PIEZO2: variants seen among roughly 807,000 people sequenced by gnomAD.
PIEZO2 encodes piezo-type mechanosensitive ion channel component 2.
Under a neutral mutation model 337.3 loss-of-function variants are expected in PIEZO2, and 172 were observed. The ratio of observed to expected loss-of-function variants is 0.51; its 90% CI spans 0.45 to 0.58. The LOEUF (loss-of-function observed/expected upper bound fraction) is 0.58. Among genes scored for constraint, PIEZO2 ranks in the 20% least tolerant of loss-of-function variants. PIEZO2 has a pLI of 0.00. For synonymous variants in PIEZO2, 1,251 were observed against 1,228.5 expected (o/e 1.02, Z -0.38); for missense variants, 3,028 against 3,391.3 (o/e 0.89, Z 2.66).
intron 2 of PIEZO2, among the ~76,000 whole-genome samples, chr18:11,049,606 T>G (rs1448607397): frequency 6.6e-6 from 1 of 152,174 alleles, no homozygotes; most frequent in African/African-American, 2.4e-5. Flanking sequence ...AATTCCCACA[T>G]GTTGTGGGAG....
In PIEZO2 at chr18:10,698,996, C is replaced by T. The variant is rs745694128; in HGVS notation, c.6623G>A (p.Arg2208Gln). Residue 2208 changes from arginine to glutamine, a missense_variant, in exon 44 of 56, where the codon CGG becomes CAG. Around this residue, in one of 5 missense-constraint regions of PIEZO2, gnomAD observed 1,925 missense variants for 2,051.9 expected, o/e 0.94. Transcript: ENST00000674853. ...VTFPEQQTAV[R>Q]RKRSGSSSEP... ...GGAGCTGCTGCCGGAGCGCTTCCTCCGGACAGCTGTCTGCTGCTCCGGGAA... is the reference window on the plus strand; with the variant it reads ...GGAGCTGCTGCCGGAGCGCTTCCTCTGGACAGCTGTCTGCTGCTCCGGGAA... 137 of 1,537,002 alleles carry T rather than the reference C, an allele frequency of 8.9e-5. No homozygotes were observed. Among genetic ancestry groups the T allele is most frequent in the Admixed American group, 7.8e-5 (4 of 51,002 alleles).
intron 2 of PIEZO2, among the ~76,000 whole-genome samples, chr18:10,981,613 T>C (rs1181532588): frequency 6.6e-6 from 1 of 152,166 alleles, no homozygotes; most frequent in Non-Finnish European, 1.5e-5. Flanking sequence ...GTCAACTTGA[T>C]TGGATTGAAG....
rs907346735 is a variant in PIEZO2, at chr18:11,102,340, G to A, written c.65-36118C>T. Among the ~76,000 whole-genome samples the A allele has an allele frequency of 2.0e-5, 3 of 152,226 alleles. No individual in the cohort carries two copies. The highest frequency in any genetic ancestry group is 7.2e-5 in the African/African-American group (3 of 41,454). On this transcript the variant is annotated intron_variant, in intron 1 of 55. Coordinates refer to ENST00000674853, the MANE Select transcript of PIEZO2 (RefSeq NM_001378183.1). The surrounding 1 kb of genome is among the most constrained non-coding windows in gnomAD (Gnocchi z 5.7). ...TCTGCTCTCTCTTAGATAACAGACA[G>A]TTTTTGGTAATAAGTTACCAGCATA...
intron 7 of PIEZO2, among the ~76,000 whole-genome samples, chr18:10,835,602 G>A (rs1340334401): frequency 6.6e-6 from 1 of 150,936 alleles, no homozygotes; most frequent in Non-Finnish European, 1.5e-5. Flanking sequence ...GGAGTGCAGT[G>A]GCGCGATCTC....
Position 10,962,521 on chromosome 18 carries a change from GTGA to G in PIEZO2, c.286+17011_286+17013del, listed in dbSNP as rs1489678552. Among the ~76,000 whole-genome samples the G allele has an allele frequency of 2.0e-5, 3 of 152,166 alleles. No individual in the cohort carries two copies. Among genetic ancestry groups the G allele is most frequent in the Non-Finnish European group, 4.4e-5 (3 of 68,026 alleles). ...CAAGCTTCCTCCAGTCTCTGTAGGT[GTGA>G]TGTTTCCCCATCAACAGTCCCATCA... On this transcript the variant is annotated intron_variant, in intron 3 of 55. Transcript: ENST00000674853. This position sits in a 1 kb window ranked among gnomAD's most constrained non-coding sequence, Gnocchi z 4.1.
intron 2 of PIEZO2, among the ~76,000 whole-genome samples, chr18:10,984,580 TC>T (rs1345588245): frequency 3.3e-5 from 5 of 152,016 alleles, no homozygotes; most frequent in Non-Finnish European, 7.4e-5. Flanking sequence ...GTTTTTAAAA[TC>T]CTATGGGACT....
intron 52 of PIEZO2, among the ~76,000 whole-genome samples, chr18:10,679,996 T>G (rs939263588): frequency 1.3e-5 from 2 of 152,218 alleles, no homozygotes; most frequent in African/African-American, 4.8e-5. Context: ...TTAGTCTGGT[T>G]AGTGATTCCT....
chr18:10,774,358 T>A (rs751766401), intron 18 of PIEZO2, among the ~76,000 whole-genome samples: 6 of 152,230 alleles, frequency 3.9e-5, no homozygotes, highest in Non-Finnish European at 8.8e-5. Flanking sequence ...AATCAAGTCA[T>A]TCACATTTTT....
chr18:11,044,059 TC>T (rs2145820059), intron 2 of PIEZO2, among the ~76,000 whole-genome samples: 1 of 152,014 alleles, frequency 6.6e-6, no homozygotes, highest in African/African-American at 2.4e-5. Context: ...ATGCTATTAT[TC>T]CTTTCATGCA....
At chr18:10,729,715 G>A (rs1249456534) in intron 36 of PIEZO2, among the ~76,000 whole-genome samples, 3 of 151,690 alleles carry the variant, frequency 2.0e-5, no homozygotes, top group East Asian at 1.9e-4. Flanking sequence ...AAGAAGTAAC[G>A]ACTGTTACTA....
intron 5 of PIEZO2, among the ~76,000 whole-genome samples, chr18:10,868,119 C>G (rs1598606198): frequency 6.6e-6 from 1 of 152,160 alleles, no homozygotes; most frequent in Non-Finnish European, 1.5e-5. Flanking sequence ...ACAGAAGACC[C>G]AAGAGTCTTC....
At position 10,945,734 on chromosome 18, in the gene PIEZO2, G is replaced by T. The variant is rs11661122; in HGVS notation, c.286+33801C>A. Among the ~76,000 whole-genome samples the T allele has an allele frequency of 0.16, 24,548 of 152,082 alleles. 2,032 individuals carry two copies. Among genetic ancestry groups the T allele is most frequent in the Middle Eastern group, 0.26 (76 of 294 alleles). Reference sequence around the variant, plus strand: ...CAAAATCTTCCCAGAACTGCCAAAGGTGTTCAAATTGGAAGGCAAGAAAAT... The same window carrying T: ...CAAAATCTTCCCAGAACTGCCAAAGTTGTTCAAATTGGAAGGCAAGAAAAT... On this transcript the variant is annotated intron_variant, in intron 3 of 55. Coordinates refer to ENST00000674853, the MANE Select transcript of PIEZO2 (RefSeq NM_001378183.1). This position sits in a 1 kb window ranked among gnomAD's most constrained non-coding sequence, Gnocchi z 4.0.
chr18:10,744,268 C>G (rs1480896758), intron 30 of PIEZO2, 37 bp from the exon 31 acceptor site: 2 of 1,304,410 alleles, frequency 1.5e-6, no homozygotes, highest in South Asian at 2.5e-5. Flanking sequence ...AGTCAATATT[C>G]TTGCCATTGT....
intron 2 of PIEZO2, among the ~76,000 whole-genome samples, chr18:11,065,211 G>A (rs1246839237): frequency 6.6e-6 from 1 of 152,184 alleles, no homozygotes; most frequent in Non-Finnish European, 1.5e-5. Context: ...GTACACCGTG[G>A]TCTTTACTTC....
intron 3 of PIEZO2, among the ~76,000 whole-genome samples, chr18:10,928,605 G>A (rs1466669171): frequency 1.3e-5 from 2 of 152,136 alleles, no homozygotes; most frequent in African/African-American, 2.4e-5. Context: ...TATAAATGTG[G>A]AACAAATGAT....
chr18:11,100,008 T>TA (rs1417577012), intron 1 of PIEZO2, among the ~76,000 whole-genome samples: 5 of 152,180 alleles, frequency 3.3e-5, no homozygotes, highest in African/African-American at 9.6e-5. Context: ...TCTTTTGTCA[T>TA]AAAAAACTTA....
At chr18:10,928,923 G>C (rs1003715070) in intron 3 of PIEZO2, among the ~76,000 whole-genome samples, 16 of 152,050 alleles carry the variant, frequency 1.1e-4, no homozygotes, top group African/African-American at 3.9e-4. Flanking sequence ...ACATTCCCCT[G>C]TCCTACTTGT....
At chr18:11,120,309 A>G (rs1175293144) in intron 1 of PIEZO2, among the ~76,000 whole-genome samples, 4 of 152,228 alleles carry the variant, frequency 2.6e-5, no homozygotes, top group Non-Finnish European at 5.9e-5. Flanking sequence ...TATTTACCAC[A>G]AAATATGTTT....
chr18:10,759,906 AG>A lies in PIEZO2; in HGVS notation c.3453del (p.Cys1152ValfsTer3). 6.5e-7 allele frequency: 1 copy of A among 1,537,032 alleles called. No homozygotes were observed. Among genetic ancestry groups the A allele is most frequent in the Non-Finnish European group, 8.7e-7 (1 of 1,146,540 alleles). ...NYFFYKFGLE[T>X]CFLMSVNVIG... Reference sequence around the variant, plus strand: ...ATGACGTTAACTGACATTAGGAAACAGGTCTGTGTAAAGATGAAAAGAGGCA... The same window carrying A: ...ATGACGTTAACTGACATTAGGAAACAGTCTGTGTAAAGATGAAAAGAGGCA... On this transcript the variant is annotated frameshift_variant and splice_region_variant, in exon 25 of 56. Coordinates refer to ENST00000674853, the MANE Select transcript of PIEZO2 (RefSeq NM_001378183.1). LOFTEE classifies it high-confidence loss of function. This position sits in a 1 kb window ranked among gnomAD's most constrained non-coding sequence, Gnocchi z 5.5.
Sources: allele counts gnomAD v4.1 joint callset (sites outside exome capture counted in the v4.1 genomes callset), GRCh38; gene constraint gnomAD v4.1.1; regional missense constraint gnomAD v4.1.1; non-coding constraint Gnocchi (gnomAD v3.1); transcripts MANE v1.5; gene names NCBI Gene and HGNC (gene_info 2026-07-23, HGNC 2026-07-21).